PAK5: variants seen among roughly 807,000 people sequenced by gnomAD.
PAK5 encodes p21 (RAC1) activated kinase 5.
PAK5 carries 16 observed loss-of-function variants against 65.9 expected under a neutral mutation model. The ratio of observed to expected loss-of-function variants is 0.24; its 90% CI spans 0.16 to 0.37. The LOEUF is 0.37. PAK5 is among the 10% of genes least tolerant of loss of function. PAK5 has a pLI of 1.00. For missense variants in PAK5, 785 were observed against 903.9 expected, an observed-to-expected ratio of 0.87 and a Z score of 1.69; for synonymous variants, 371 against 354.9, an observed-to-expected ratio of 1.05 and a Z score of -0.51.
At chr20:9,670,676 C>T (rs1393245749) in intron 2 of PAK5, among the ~76,000 whole-genome samples, 1 of 152,118 alleles carries the variant, frequency 6.6e-6, no homozygotes, top group Non-Finnish European at 1.5e-5. Context: ...GATATTAGCC[C>T]TTTGTCAGAT....
At chr20:9,723,105 C>T (rs986289069) in intron 1 of PAK5, among the ~76,000 whole-genome samples, 1 of 152,064 alleles carries the variant, frequency 6.6e-6, no homozygotes, top group Admixed American at 6.5e-5. Context: ...CGTGGAGCAG[C>T]GGGTGCATGA....
At chr20:9,816,835 T>TATTTTTTCTAC (rs2049363132) in intron 1 of PAK5, among the ~76,000 whole-genome samples, 1 of 152,192 alleles carries the variant, frequency 6.6e-6, no homozygotes, top group East Asian at 1.9e-4. Flanking sequence ...CTATTACTAC[T>TATTTTTTCTAC]GGTATCAGTT....
At chr20:9,608,579 T>C (rs2046498978) in intron 3 of PAK5, among the ~76,000 whole-genome samples, 1 of 152,240 alleles carries the variant, frequency 6.6e-6, no homozygotes. Context: ...TTCAATCTTG[T>C]TTTCAAAATC....
At chr20:9,751,063 G>A (rs886089232) in intron 1 of PAK5, among the ~76,000 whole-genome samples, 6 of 152,118 alleles carry the variant, frequency 3.9e-5, no homozygotes, top group Admixed American at 6.6e-5. Flanking sequence ...AATTACAAAT[G>A]TGCACTGCAA....
At chr20:9,636,945 G>C (rs990323859) in intron 3 of PAK5, among the ~76,000 whole-genome samples, 2 of 152,132 alleles carry the variant, frequency 1.3e-5, no homozygotes, top group African/African-American at 4.8e-5. Context: ...ACCTAAAAGA[G>C]ACCTTAGTTT....
intron 1 of PAK5, among the ~76,000 whole-genome samples, chr20:9,749,125 T>C (rs1020972259): frequency 1.3e-5 from 2 of 152,166 alleles, no homozygotes; most frequent in African/African-American, 2.4e-5. Flanking sequence ...AATAACCCCA[T>C]AGCTGTGCAC....
At chr20:9,633,657 G>C (rs2046950240) in intron 3 of PAK5, among the ~76,000 whole-genome samples, 1 of 152,162 alleles carries the variant, frequency 6.6e-6, no homozygotes, top group Non-Finnish European at 1.5e-5. Context: ...CTTCACATCA[G>C]CTTCTGCTCT....
intron 2 of PAK5, among the ~76,000 whole-genome samples, chr20:9,696,193 A>G (rs114166697): frequency 6.6e-4 from 101 of 152,184 alleles, no homozygotes; most frequent in African/African-American, 2.3e-3. Context: ...AATCCATTTT[A>G]TATTCATATG....
At chr20:9,696,352 A>G (rs2047869254) in intron 2 of PAK5, among the ~76,000 whole-genome samples, 1 of 152,058 alleles carries the variant, frequency 6.6e-6, no homozygotes, top group Non-Finnish European at 1.5e-5. Flanking sequence ...TGTTTCTGTG[A>G]TTCTCATGTG....
At chr20:9,587,111 T>TTAACTTATA (rs1405975061) in intron 3 of PAK5, among the ~76,000 whole-genome samples, 2 of 152,196 alleles carry the variant, frequency 1.3e-5, no homozygotes. Context: ...TTATAAGTGC[T>TTAACTTATA]AGTTACTTAA....
intron 2 of PAK5, among the ~76,000 whole-genome samples, chr20:9,671,297 C>G (rs1251806729): frequency 1.3e-5 from 2 of 152,016 alleles, no homozygotes; most frequent in Non-Finnish European, 2.9e-5. Flanking sequence ...GTAGTTTTTT[C>G]CAATTCTGTG....
intron 3 of PAK5, 97 bp downstream of exon 3, chr20:9,644,028 G>C (rs2047101251): frequency 2.4e-6 from 2 of 830,736 alleles, no homozygotes; most frequent in Non-Finnish European, 4.1e-6. Flanking sequence ...AAAAATATGT[G>C]GTTTAGGCAT....
intron 1 of PAK5, among the ~76,000 whole-genome samples, chr20:9,802,631 A>G (rs1471669364): frequency 1.3e-5 from 2 of 151,956 alleles, no homozygotes; most frequent in East Asian, 1.9e-4. Context: ...AAAGTCTTTG[A>G]AAAAGAACGT....
At chr20:9,716,316 G>T (rs1051255051) in intron 1 of PAK5, among the ~76,000 whole-genome samples, 3 of 152,176 alleles carry the variant, frequency 2.0e-5, no homozygotes, top group Non-Finnish European at 4.4e-5. Flanking sequence ...AATATAAGTA[G>T]ATGTAATTTC....
Position 9,547,209 on chromosome 20 carries a change from C to T in PAK5, c.1744-2715G>A, listed in dbSNP as rs180856872. On this transcript the variant is annotated intron_variant, in intron 7 of 9. Coordinates refer to ENST00000353224, the MANE Select transcript of PAK5 (RefSeq NM_177990.4). ...CACAACCACCAGAAACCAGGAGAAA[C>T]GTATATAAAACTTCTCCCTCAGAGC... 1.1e-4 allele frequency among the ~76,000 whole-genome samples: 17 copies of T among 152,166 alleles called. No homozygotes were observed. In the East Asian group the frequency reaches 1.7e-3, roughly 16 times the overall value.
chr20:9,684,570 C>A (rs758006117), intron 2 of PAK5, among the ~76,000 whole-genome samples: 1 of 151,922 alleles, frequency 6.6e-6, no homozygotes, highest in Non-Finnish European at 1.5e-5. Flanking sequence ...ACATGATGAT[C>A]CTCTTTTCCT....
intron 3 of PAK5, among the ~76,000 whole-genome samples, chr20:9,601,172 A>G (rs574514996): frequency 2.4e-4 from 37 of 152,326 alleles, no homozygotes; most frequent in African/African-American, 8.9e-4. Flanking sequence ...ATTCCCATCT[A>G]TCTTTCCCAC....
At chr20:9,824,017 A>G (rs193250628) in intron 1 of PAK5, among the ~76,000 whole-genome samples, 1 of 152,360 alleles carries the variant, frequency 6.6e-6, no homozygotes, top group Non-Finnish European at 1.5e-5. Context: ...GAATTAAATG[A>G]GATAGTGTTT....
intron 2 of PAK5, among the ~76,000 whole-genome samples, chr20:9,679,029 C>T (rs1569036107): frequency 6.6e-6 from 1 of 152,180 alleles, no homozygotes; most frequent in Non-Finnish European, 1.5e-5. Flanking sequence ...TTTTCTTCCA[C>T]CTCTGCTACC....
Sources: allele counts gnomAD v4.1 joint callset (sites outside exome capture counted in the v4.1 genomes callset), GRCh38; gene constraint gnomAD v4.1.1; transcripts MANE v1.5; gene names NCBI Gene and HGNC (gene_info 2026-07-23, HGNC 2026-07-21).